ARHGEF6: variants seen among roughly 807,000 people sequenced by gnomAD.
ARHGEF6 encodes rho guanine nucleotide exchange factor 6.
ARHGEF6 carries 9 observed loss-of-function variants against 70.3 expected under a neutral mutation model. That is an observed-to-expected ratio of 0.13 (90% CI 0.08 to 0.22). ARHGEF6 has a LOEUF of 0.22. ARHGEF6 is among the 10% of genes least tolerant of loss of function. ARHGEF6 has a pLI of 1.00. For missense variants in ARHGEF6, 470 were observed against 563.0 expected (o/e 0.83, Z 1.67); for synonymous variants, 201 against 207.8 (o/e 0.97, Z 0.28).
intron 19 of ARHGEF6, among the ~76,000 whole-genome samples, chrX:136,672,434 C>A (rs1404043996): frequency 3.6e-5 from 4 of 111,586 alleles, no homozygotes; most frequent in Non-Finnish European, 7.5e-5. Flanking sequence ...TTTGCCTCCT[C>A]CAGAGCAAAG....
chrX:136,745,094 A>G, intron 4 of ARHGEF6, 129 bp downstream of exon 4: 3 of 911,003 alleles, frequency 3.3e-6, no homozygotes, highest in Admixed American at 4.4e-5. Context: ...TGCTCGGTTT[A>G]TAATTAGTTT....
At chrX:136,725,367 C>CT (rs2076842281) in intron 6 of ARHGEF6, among the ~76,000 whole-genome samples, 1 of 103,209 alleles carries the variant, frequency 9.7e-6, no homozygotes, top group African/African-American at 3.6e-5. Context: ...AATTATGCCC[C>CT]CCCCCCAAAA....
intron 20 of ARHGEF6, 68 bp from the exon 21 acceptor site, chrX:136,669,604 T>C: frequency 2.3e-6 from 2 of 878,796 alleles, no homozygotes; most frequent in Admixed American, 2.3e-5. Flanking sequence ...TACTTAACAA[T>C]AAAAGCCACT....
intron 16 of ARHGEF6, 43 bp from the exon 17 acceptor site, chrX:136,677,999 T>G: frequency 1.8e-6 from 2 of 1,134,903 alleles, no homozygotes; most frequent in Non-Finnish European, 2.4e-6. Flanking sequence ...GCGTGAGAGG[T>G]CGATGGTTAT....
chrX:136,706,966 T>C lies in ARHGEF6; in HGVS notation c.988A>G (p.Met330Val). Residue 330 changes from methionine (M) to valine (V), a missense_variant, in exon 9 of 22, where the codon ATG (methionine) becomes GTG (valine). Met to Val is a conservative substitution (Grantham distance 21, BLOSUM62 1). Around this residue, in one of 3 missense-constraint regions of ARHGEF6, gnomAD observed 379 missense variants for 449.3 expected, o/e 0.84. Transcript: ENST00000250617. Reference protein sequence around the residue: ...LLSLMPHFKSMYLAYCANHPS... With the variant: ...LLSLMPHFKSVYLAYCANHPS... ...TGGTTTGCACAGTAAGCCAGATACATAGATTTAAAATGAGGCATGAGACTC... is the reference window on the plus strand; with the variant it reads ...TGGTTTGCACAGTAAGCCAGATACACAGATTTAAAATGAGGCATGAGACTC... 8.3e-7 allele frequency: 1 copy of C among 1,211,055 alleles called. No homozygotes were observed. Among genetic ancestry groups the C allele is most frequent in the African/African-American group, 1.7e-5 (1 of 57,775 alleles).
At chrX:136,740,061 T>C (rs1047085923) in intron 5 of ARHGEF6, among the ~76,000 whole-genome samples, 1 of 110,782 alleles carries the variant, frequency 9.0e-6, no homozygotes, top group Non-Finnish European at 1.9e-5. Flanking sequence ...CAGGCTGGAG[T>C]GCAGTGGCAC....
At chrX:136,727,323 CTTTTTCTT>C (rs2076864527) in intron 6 of ARHGEF6, among the ~76,000 whole-genome samples, 10 of 75,654 alleles carry the variant, frequency 1.3e-4, no homozygotes, top group African/African-American at 6.2e-4. Context: ...TTCTTTCTTT[CTTTTTCTT>C]TCTTTCTTTC....
intron 2 of ARHGEF6, among the ~76,000 whole-genome samples, chrX:136,759,596 C>G (rs956060115): frequency 2.8e-5 from 3 of 106,476 alleles, no homozygotes; most frequent in African/African-American, 1.0e-4. Flanking sequence ...CACCACTGCA[C>G]TCCAGCCTGG....
rs373580860 is a variant in ARHGEF6, at chrX:136,711,356, C to T, written c.827+1920G>A. Among the ~76,000 whole-genome samples the T allele has an allele frequency of 1.5e-4, 17 of 111,056 alleles. No individual in the cohort carries two copies. The East Asian group carries it at 3.7e-3, about 24-fold the overall frequency. On this transcript the variant is annotated intron_variant, in intron 7 of 21. Transcript: ENST00000250617. Reference sequence around the variant, plus strand: ...CTTGGCAGCAGGGGGCACAGTGGCTCCAGCCTGGCCATGTACTGGCTGTGG... The same window carrying T: ...CTTGGCAGCAGGGGGCACAGTGGCTTCAGCCTGGCCATGTACTGGCTGTGG...
intron 2 of ARHGEF6, among the ~76,000 whole-genome samples, chrX:136,774,345 G>GA (rs779669090): frequency 0.016 from 1,686 of 103,806 alleles, 27 homozygotes; most frequent in African/African-American, 0.049. Context: ...GTTTTTATTT[G>GA]AAAAAAAAAA....
At chrX:136,704,690 C>T (rs1216546104) in intron 9 of ARHGEF6, among the ~76,000 whole-genome samples, 1 of 111,643 alleles carries the variant, frequency 9.0e-6, no homozygotes, top group African/African-American at 3.3e-5. Context: ...CTCGTGAGAA[C>T]TCACTATCAT....
intron 10 of ARHGEF6, among the ~76,000 whole-genome samples, chrX:136,689,938 A>G (rs180931045): frequency 5.3e-4 from 59 of 111,913 alleles, no homozygotes; most frequent in Middle Eastern, 9.2e-3. Context: ...ATATTCAATT[A>G]TCAGGCCTCA....
intron 5 of ARHGEF6, among the ~76,000 whole-genome samples, chrX:136,732,813 A>G (rs2076948842): frequency 9.0e-6 from 1 of 111,716 alleles, no homozygotes; most frequent in Non-Finnish European, 1.9e-5. Flanking sequence ...GATACTTTCA[A>G]CTTATGATGG....
intron 9 of ARHGEF6, among the ~76,000 whole-genome samples, chrX:136,705,676 A>G (rs987036306): frequency 1.8e-5 from 2 of 112,149 alleles, no homozygotes; most frequent in Non-Finnish European, 3.8e-5. Flanking sequence ...CCACTTGCCT[A>G]AAAATGCCAG....
At chrX:136,683,703 A>G (rs1187497361) in intron 12 of ARHGEF6, among the ~76,000 whole-genome samples, 1 of 111,816 alleles carries the variant, frequency 8.9e-6, no homozygotes. Context: ...AGTATACGCA[A>G]AAATTACGTT....
At chrX:136,775,434 A>T (rs2077396656) in intron 2 of ARHGEF6, among the ~76,000 whole-genome samples, 1 of 112,233 alleles carries the variant, frequency 8.9e-6, no homozygotes, top group African/African-American at 3.2e-5. Flanking sequence ...AAACAGAATT[A>T]AAAACAAAAA....
chrX:136,777,761 T>TACACACACACACACAC (rs376800070), intron 2 of ARHGEF6, among the ~76,000 whole-genome samples: 1,075 of 98,491 alleles, frequency 0.011, 8 homozygotes, highest in Middle Eastern at 0.041. Flanking sequence ...TATGTATACA[T>TACACACACACACACAC]ACACACACAC....
intron 7 of ARHGEF6, among the ~76,000 whole-genome samples, chrX:136,710,730 G>A (rs1480606460): frequency 3.6e-5 from 4 of 110,629 alleles, no homozygotes; most frequent in Non-Finnish European, 5.7e-5. Flanking sequence ...ATTCATTTAG[G>A]AACAGTACAG....
intron 2 of ARHGEF6, among the ~76,000 whole-genome samples, chrX:136,768,052 T>G (rs778785077): frequency 9.0e-6 from 1 of 111,202 alleles, no homozygotes; most frequent in Non-Finnish European, 1.9e-5. Context: ...GGTGGCCTGC[T>G]TCCTCCCTCA....
Sources: allele counts gnomAD v4.1 joint callset (sites outside exome capture counted in the v4.1 genomes callset), GRCh38; gene constraint gnomAD v4.1.1; regional missense constraint gnomAD v4.1.1; transcripts MANE v1.5; gene names NCBI Gene and HGNC (gene_info 2026-07-23, HGNC 2026-07-21).